RAB44: variants seen among roughly 807,000 people sequenced by gnomAD.
RAB44 encodes the protein RAB44, member RAS oncogene family.
RAB44 carries 67 observed loss-of-function variants against 93.3 expected under a neutral mutation model. The ratio of observed to expected loss-of-function variants is 0.72; its 90% confidence interval spans 0.59 to 0.88. The LOEUF is 0.88. Ranked by LOEUF, RAB44 falls within the 40% of genes least tolerant of loss-of-function variation. The pLI, the probability that RAB44 is intolerant of heterozygous loss-of-function variation, is 0.00. For synonymous variants in RAB44, 427 were observed against 520.3 expected (o/e 0.82, Z 2.44); for missense variants, 1,064 against 1,261.7 (o/e 0.84, Z 2.37).
intron 13 of RAB44, among the ~76,000 whole-genome samples, 172 bp downstream of exon 13, chr6:36,730,921 G>A (rs1763350117): frequency 6.6e-6 from 1 of 151,898 alleles, no homozygotes; most frequent in African/African-American, 2.4e-5. Context: ...GGGAGAGAGA[G>A]CCCTGCACTG....
At chr6:36,729,575 C>T (rs1212986466) in intron 12 of RAB44, among the ~76,000 whole-genome samples, 4 of 151,824 alleles carry the variant, frequency 2.6e-5, no homozygotes, top group African/African-American at 7.3e-5. Flanking sequence ...CTCCGACTCC[C>T]GGGTTCAAGC....
chr6:36,732,191 C>T lies in RAB44; in HGVS notation c.*98C>T. ...GGACAGCAACGACACAGAGGACCAG[C>T]TTGGAGGTTCAGGAAAACCCTTCTC... On this transcript the variant is annotated 3_prime_UTR_variant, in exon 14 of 14. Coordinates refer to ENST00000612677, the MANE Select transcript of RAB44 (RefSeq NM_001257357.2). 1 of 750,524 alleles carries T rather than the reference C, an allele frequency of 1.3e-6. No individual in the cohort carries two copies. Among genetic ancestry groups the T allele is most frequent in the African/African-American group, 1.8e-5 (1 of 55,292 alleles). 46.5% of individuals were successfully genotyped at this position (750,524 alleles called of 1,614,324 possible).
intron 1 of RAB44, among the ~76,000 whole-genome samples, chr6:36,698,739 T>A (rs2150320711): frequency 6.6e-6 from 1 of 151,944 alleles, no homozygotes; most frequent in Non-Finnish European, 1.5e-5. Context: ...CGGAGGGATG[T>A]GTGTGCTGGG....
chr6:36,719,717 G>A (rs568683309), intron 7 of RAB44, among the ~76,000 whole-genome samples: 14 of 152,344 alleles, frequency 9.2e-5, no homozygotes, highest in African/African-American at 2.2e-4. Flanking sequence ...ACATTGGAGC[G>A]AAGACCTGGA....
At chr6:36,716,667 T>C (rs574330163) in intron 4 of RAB44, among the ~76,000 whole-genome samples, 7 of 151,126 alleles carry the variant, frequency 4.6e-5, no homozygotes, top group African/African-American at 1.7e-4. Context: ...CCAGGTGTTG[T>C]GAGGCAGGCA....
intron 13 of RAB44, 64 bp downstream of exon 13, chr6:36,730,813 C>T (rs749225481): frequency 3.0e-5 from 25 of 839,170 alleles, no homozygotes; most frequent in Admixed American, 4.6e-5. Flanking sequence ...GGGACAGCTC[C>T]GGCCCCACTC....
rs758268430 is a variant in RAB44, at chr6:36,732,300, C to T, written c.*207C>T. The T allele has an allele frequency of 4.9e-5, 17 of 350,154 alleles. No individual in the cohort carries two copies. Among genetic ancestry groups the T allele is most frequent in the African/African-American group, 2.1e-4 (10 of 47,000 alleles). 21.7% of individuals were successfully genotyped at this position (350,154 alleles called of 1,614,324 possible). A position where few individuals can be genotyped will look rare whatever the true frequency, so the allele number is the denominator to read the frequency against. On this transcript the variant is annotated 3_prime_UTR_variant, in exon 14 of 14. Coordinates refer to ENST00000612677, the MANE Select transcript of RAB44 (RefSeq NM_001257357.2). ...GGAGGGCTTTGCTGAGTGAACAAGG[C>T]TTGAGGGGCAGGGGTATGGCAAAAC...
rs9462214 is a variant in RAB44, at chr6:36,731,503, C to T, written c.2976-500C>T. Reference sequence around the variant, plus strand: ...CATCTGGCACACAGTAAATATATCACGAAGAAATGAATGGACTTCTTTTGC... The same window carrying T: ...CATCTGGCACACAGTAAATATATCATGAAGAAATGAATGGACTTCTTTTGC... On this transcript the variant is annotated intron_variant, in intron 13 of 13. Transcript: ENST00000612677. This position sits in a 1 kb window ranked among gnomAD's most constrained non-coding sequence, Gnocchi z 4.0. 5.9e-5 allele frequency among the ~76,000 whole-genome samples: 9 copies of T among 152,296 alleles called. No homozygotes were observed. The highest frequency in any genetic ancestry group is 1.0e-4 in the Non-Finnish European group (7 of 68,026).
chr6:36,702,810 G>A (rs1043540089), intron 1 of RAB44, among the ~76,000 whole-genome samples: 14 of 152,076 alleles, frequency 9.2e-5, no homozygotes, highest in Non-Finnish European at 2.1e-4. Flanking sequence ...TCACCCCAGG[G>A]GCCTCACCTG....
rs1763081565 is a variant in RAB44 at position 36,721,543 on chromosome 6, A to G, written c.1409A>G (p.Gln470Arg). 8.1e-7 allele frequency: 1 copy of G among 1,234,432 alleles called. No individual in the cohort carries two copies. Among genetic ancestry groups the G allele is most frequent in the South Asian group, 4.1e-5 (1 of 24,402 alleles). 76.5% of individuals were successfully genotyped at this position (1,234,432 alleles called of 1,614,324 possible). A position where few individuals can be genotyped will look rare whatever the true frequency, so the allele number is the denominator to read the frequency against. Residue 470 changes from glutamine (Q) to arginine (R), a missense_variant, in exon 9 of 14, where the codon CAG (glutamine) becomes CGG (arginine). Transcript: ENST00000612677. Reference protein sequence around the residue: ...PVEPHDPDPNQEPGSTPEGRL... With the variant: ...PVEPHDPDPNREPGSTPEGRL... ...GAACCGCACGACCCGGACCCCAACCAGGAGCCAGGGTCCACACCCGAGGGC... is the reference window on the plus strand; with the variant it reads ...GAACCGCACGACCCGGACCCCAACCGGGAGCCAGGGTCCACACCCGAGGGC...
rs202201461 is a variant in RAB44 at position 36,705,901 on chromosome 6, ATTTT to A, written c.207+1470_207+1473del. Among the ~76,000 whole-genome samples, 296 of 143,972 alleles carry A rather than the reference ATTTT, an allele frequency of 2.1e-3. 4 individuals carry two copies. The highest frequency in any genetic ancestry group is 0.011 in the Middle Eastern group (3 of 280). 94.5% of individuals were successfully genotyped at this position (143,972 alleles called of 152,430 possible). On this transcript the variant is annotated intron_variant, in intron 2 of 13. Coordinates refer to ENST00000612677, the MANE Select transcript of RAB44 (RefSeq NM_001257357.2). Reference sequence around the variant, plus strand: ...TGTATGAAATTTGGATTTATGTTGGATTTTTTTTTTTTTTAAGAGATAGGATCTC... The same window carrying A: ...TGTATGAAATTTGGATTTATGTTGGATTTTTTTTTTAAGAGATAGGATCTC...
chr6:36,723,865 G>A (rs2094913223), intron 9 of RAB44, among the ~76,000 whole-genome samples: 1 of 100,878 alleles, frequency 9.9e-6, no homozygotes, highest in South Asian at 3.5e-4. Context: ...GCAAACCCGA[G>A]GGAATGGAGG....
intron 11 of RAB44, among the ~76,000 whole-genome samples, chr6:36,728,154 G>A (rs1362911165): frequency 6.6e-6 from 1 of 152,192 alleles, no homozygotes. Context: ...AGCAAAAGAA[G>A]CAGGATAAGG....
rs1762964504 is a variant in RAB44 at position 36,717,903 on chromosome 6, T to G, written c.642-125T>G. 6.5e-6 allele frequency: 3 copies of G among 459,926 alleles called. No individual in the cohort carries two copies. Among genetic ancestry groups the G allele is most frequent in the Non-Finnish European group, 1.1e-5 (3 of 284,186 alleles). 28.5% of individuals were successfully genotyped at this position (459,926 alleles called of 1,614,324 possible). ...CTGTTCTCAGGGTGACAGAGGTCAG[T>G]GACTGCTGGCAGAGTGAGGAAAGCA... On this transcript the variant is annotated intron_variant, in intron 5 of 13. Transcript: ENST00000612677. This position sits in a 1 kb window ranked among gnomAD's most constrained non-coding sequence, Gnocchi z 4.1.
chr6:36,698,058 A>G (rs1762424239), intron 1 of RAB44, 143 bp downstream of exon 1: 1 of 152,240 alleles, frequency 6.6e-6, no homozygotes, highest in African/African-American at 2.4e-5. Context: ...AGCTCTCTGC[A>G]TGGTCTAAGG....
Position 36,700,886 on chromosome 6 carries a change from G to A in RAB44, c.-13+2971G>A, listed in dbSNP as rs562406636. Among the ~76,000 whole-genome samples, 3 of 152,340 alleles carry A rather than the reference G, an allele frequency of 2.0e-5. No individual in the cohort carries two copies. The East Asian group carries it at 5.8e-4, about 29-fold the overall frequency. On this transcript the variant is annotated intron_variant, in intron 1 of 13. Coordinates refer to ENST00000612677, the MANE Select transcript of RAB44 (RefSeq NM_001257357.2). The stretch of plus-strand genomic sequence containing the variant: ...ATGGAGGGAGGGGGCTCCCCTCTTA[G>A]GGGGGATGGGGAATGGAGATAGATG...
At chr6:36,728,895 G>A (rs532743605) in intron 12 of RAB44, 94 bp downstream of exon 12, 9 of 1,037,446 alleles carry the variant, frequency 8.7e-6, no homozygotes, top group East Asian at 5.2e-5. Context: ...CTGGGCAGCC[G>A]AGAAGAACCC....
rs886628942 is a variant in RAB44, at chr6:36,721,783, A to G, written c.1649A>G (p.Gln550Arg). 8.1e-7 allele frequency: 1 copy of G among 1,234,532 alleles called. No individual in the cohort carries two copies. The highest frequency in any genetic ancestry group is 1.0e-6 in the Non-Finnish European group (1 of 988,356). 76.5% of individuals were successfully genotyped at this position (1,234,532 alleles called of 1,614,324 possible). ...GAQPGAGAGP[Q>R]EPTQTPPTMT... ...CAGCCTGGGGCTGGAGCAGGACCCC[A>G]GGAACCCACACAAACCCCTCCCACC... The change falls in exon 9 of 14, where the codon CAG becomes CGG. Residue 550 changes from glutamine (Q) to arginine (R), a missense_variant. By Grantham distance (43) the Gln-to-Arg change is conservative. Transcript: ENST00000612677.
Position 36,717,761 on chromosome 6 carries a change from G to A in RAB44, c.642-267G>A, listed in dbSNP as rs114158610. 7.9e-3 allele frequency among the ~76,000 whole-genome samples: 1,203 copies of A among 151,986 alleles called. 21 individuals are homozygous for A. Among genetic ancestry groups the A allele is most frequent in the African/African-American group, 0.027 (1,134 of 41,450 alleles). ...GGGAGTGGGGACTGAGTGATGGGGT[G>A]ATGGGGACAATGAGACCCTGGCCAG... On this transcript the variant is annotated intron_variant, in intron 5 of 13. Transcript: ENST00000612677. This position sits in a 1 kb window ranked among gnomAD's most constrained non-coding sequence, Gnocchi z 4.1.
Sources: allele counts gnomAD v4.1 joint callset (sites outside exome capture counted in the v4.1 genomes callset), GRCh38; gene constraint gnomAD v4.1.1; non-coding constraint Gnocchi (gnomAD v3.1); transcripts MANE v1.5; gene names NCBI Gene and HGNC (gene_info 2026-07-23, HGNC 2026-07-21).